Variants in RAP1GAP2 observed in about 807,000 individuals in gnomAD.
RAP1GAP2 encodes the protein RAP1 GTPase activating protein 2, also known as rap1 GTPase-activating protein 2.
A neutral mutation model predicts 95.0 loss-of-function variants in RAP1GAP2; 27 were observed. The ratio of observed to expected loss-of-function variants is 0.28; its 90% CI spans 0.21 to 0.39. RAP1GAP2 has a LOEUF of 0.39. Ranked by LOEUF, RAP1GAP2 falls within the 10% of genes least tolerant of loss-of-function variation. The probability of loss-of-function intolerance (pLI) is 1.00; values close to 1 mark genes in which losing one functional copy is unlikely to be tolerated. For missense variants in RAP1GAP2, 771 were observed against 970.0 expected, an observed-to-expected ratio of 0.79 and a Z score of 2.72; for synonymous variants, 373 against 380.9, an observed-to-expected ratio of 0.98 and a Z score of 0.24.
chr17:2,801,805 C>A (rs1366089938), intron 2 of RAP1GAP2, among the ~76,000 whole-genome samples: 1 of 152,206 alleles, frequency 6.6e-6, no homozygotes, highest in Admixed American at 6.5e-5. Context: ...AGGTCCGAAG[C>A]AGGCACAGCC....
intron 13 of RAP1GAP2, 125 bp from the exon 14 acceptor site, chr17:2,998,096 C>G (rs2046028359): frequency 8.9e-7 from 1 of 1,117,992 alleles, no homozygotes; most frequent in Non-Finnish European, 1.3e-6. Context: ...AAACAACAAC[C>G]ACGAACTCTT....
chr17:2,926,519 G>A (rs777410449), intron 3 of RAP1GAP2, among the ~76,000 whole-genome samples: 1 of 152,114 alleles, frequency 6.6e-6, no homozygotes, highest in East Asian at 1.9e-4. Flanking sequence ...TCAGAGGCAC[G>A]GTGCCAGAGT....
At chr17:2,806,446 G>A (rs2069522487) in intron 2 of RAP1GAP2, among the ~76,000 whole-genome samples, 1 of 149,598 alleles carries the variant, frequency 6.7e-6, no homozygotes, top group African/African-American at 2.5e-5. Flanking sequence ...AGTCTGGAGT[G>A]CAGTGGTGAA....
upstream of RAP1GAP2, among the ~76,000 whole-genome samples, chr17:2,791,734 C>G (rs2068929599): frequency 6.6e-6 from 1 of 152,156 alleles, no homozygotes; most frequent in African/African-American, 2.4e-5. Flanking sequence ...CTCTTGTGCC[C>G]GCAGCTCATC....
At chr17:2,878,769 C>T (rs1023454418) in intron 2 of RAP1GAP2, among the ~76,000 whole-genome samples, 2 of 152,210 alleles carry the variant, frequency 1.3e-5, no homozygotes, top group Admixed American at 1.3e-4. Context: ...ATTTGGGTAT[C>T]CCTGCTGCCC....
At chr17:3,022,751 T>C (rs762739163) in intron 19 of RAP1GAP2, among the ~76,000 whole-genome samples, 18 of 152,228 alleles carry the variant, frequency 1.2e-4, no homozygotes, top group Non-Finnish European at 2.4e-4. Context: ...ATCCCATTTG[T>C]CTATTTTTGC....
chr17:2,980,380 C>G lies in RAP1GAP2; in HGVS notation c.675+15C>G. On this transcript the variant is annotated intron_variant, in intron 9 of 24. Coordinates refer to ENST00000254695, the MANE Select transcript of RAP1GAP2 (RefSeq NM_015085.5). ...AGATTGCAAAGGTGAGAAACCAACC[C>G]GTGAGAGATGGTGGCTTCCTCTCTC... 9 of 1,612,850 alleles carry G rather than the reference C, an allele frequency of 5.6e-6. No homozygotes were observed. Among genetic ancestry groups the G allele is most frequent in the Non-Finnish European group, 6.8e-6 (8 of 1,178,918 alleles).
At chr17:2,762,049 T>C (rs2071262588) in intron 1 of RAP1GAP2, among the ~76,000 whole-genome samples, 1 of 136,348 alleles carries the variant, frequency 7.3e-6, no homozygotes, top group Non-Finnish European at 1.5e-5. Context: ...AGCACAGTGG[T>C]GCAATCTTGG....
chr17:2,899,659 C>G (rs891548411), intron 2 of RAP1GAP2, among the ~76,000 whole-genome samples: 14 of 152,118 alleles, frequency 9.2e-5, no homozygotes, highest in African/African-American at 3.4e-4. Context: ...TACAGACATG[C>G]GCCATCATGC....
chr17:2,761,139 G>T (rs1247617788), intron 1 of RAP1GAP2, among the ~76,000 whole-genome samples: 2 of 151,122 alleles, frequency 1.3e-5, no homozygotes, highest in African/African-American at 4.9e-5. Context: ...ATGTTTAGTA[G>T]GGTTGAGGTT....
At chr17:2,960,139 A>AAAAAAC (rs1293694663) in intron 4 of RAP1GAP2, among the ~76,000 whole-genome samples, 8 of 151,492 alleles carry the variant, frequency 5.3e-5, no homozygotes, top group African/African-American at 1.9e-4. Context: ...AAAAAAAAAA[A>AAAAAAC]AACAACAAAA....
chr17:2,990,512 C>T (rs1009689989), intron 11 of RAP1GAP2, among the ~76,000 whole-genome samples: 4 of 151,298 alleles, frequency 2.6e-5, no homozygotes, highest in Middle Eastern at 3.2e-3. Flanking sequence ...GGTGACTCTG[C>T]GTTTAGCCTT....
chr17:2,800,891 C>T (rs1369528835), intron 2 of RAP1GAP2, among the ~76,000 whole-genome samples: 1 of 143,542 alleles, frequency 7.0e-6, no homozygotes, highest in African/African-American at 2.6e-5. Context: ...TGCTCTGTTG[C>T]CAGGCTGGAG....
intron 3 of RAP1GAP2, among the ~76,000 whole-genome samples, chr17:2,927,240 G>A (rs746335361): frequency 4.6e-4 from 69 of 150,962 alleles, no homozygotes; most frequent in Admixed American, 1.5e-3. Context: ...TGCAAGCTCC[G>A]CCTCCCGGGT....
intron 23 of RAP1GAP2, 123 bp from the exon 24 acceptor site, chr17:3,032,288 C>A: frequency 9.2e-7 from 1 of 1,084,460 alleles, no homozygotes; most frequent in Non-Finnish European, 1.4e-6. Context: ...GTGCTTGTTC[C>A]TGGGGTCCTG....
intron 3 of RAP1GAP2, among the ~76,000 whole-genome samples, chr17:2,948,023 G>T (rs919805768): frequency 2.6e-5 from 4 of 152,180 alleles, no homozygotes; most frequent in African/African-American, 9.7e-5. Context: ...TGTTGATGTA[G>T]CCTTGTCCCC....
rs1444611836 is a variant in RAP1GAP2 at position 2,817,027 on chromosome 17, G to T, written c.80+16477G>T. Among the ~76,000 whole-genome samples, 4 of 73,374 alleles carry T rather than the reference G, an allele frequency of 5.5e-5. 1 individual carries two copies. In the Admixed American group the frequency reaches 7.5e-4, roughly 14 times the overall value. 48.1% of individuals were successfully genotyped at this position (73,374 alleles called of 152,430 possible). On this transcript the variant is annotated intron_variant, in intron 2 of 24. Transcript: ENST00000254695. ...TTTTGAGATGGGGTCTTGCTCTGTTGCCCAGGCTGGATTGCCGTGGTATGA... is the reference window on the plus strand; with the variant it reads ...TTTTGAGATGGGGTCTTGCTCTGTTTCCCAGGCTGGATTGCCGTGGTATGA...
chr17:2,889,889 A>ATATTT lies in RAP1GAP2; in HGVS notation c.81-15394_81-15393insATTTT, dbSNP rs1408426152. Among the ~76,000 whole-genome samples, 268 of 57,282 alleles carry ATATTT rather than the reference A, an allele frequency of 4.7e-3. 5 individuals are homozygous for ATATTT. Among genetic ancestry groups the ATATTT allele is most frequent in the African/African-American group, 0.016 (225 of 13,842 alleles). The allele number at this position is 57,282 out of a possible 152,430, so 37.6% of individuals were successfully genotyped here. ...TATATATATATATATATATATATAT[A>ATATTT]TTTTTTTTTTTTTTTGTAGAGATGG... On this transcript the variant is annotated intron_variant, in intron 2 of 24. Coordinates refer to ENST00000254695, the MANE Select transcript of RAP1GAP2 (RefSeq NM_015085.5).
At chr17:2,781,211 T>G (rs928120627) in intron 1 of RAP1GAP2, among the ~76,000 whole-genome samples, 1 of 152,226 alleles carries the variant, frequency 6.6e-6, no homozygotes, top group Non-Finnish European at 1.5e-5. Context: ...TCTTGGACCA[T>G]GCTGGGCCTG....
Sources: allele counts gnomAD v4.1 joint callset (sites outside exome capture counted in the v4.1 genomes callset), GRCh38; gene constraint gnomAD v4.1.1; transcripts MANE v1.5; gene names NCBI Gene and HGNC (gene_info 2026-07-23, HGNC 2026-07-21).